The following LARGE1 variants were observed in gnomAD, a reference collection of about 807,000 sequenced individuals.
LARGE1 encodes xylosyl- and glucuronyltransferase LARGE1.
LARGE1 carries 43 observed loss-of-function variants against 87.6 expected under a neutral mutation model. That is an observed-to-expected ratio of 0.49 (90% CI 0.38 to 0.63). The LOEUF is 0.63. Among genes scored for constraint, LARGE1 ranks in the 30% least tolerant of loss-of-function variants. The probability of loss-of-function intolerance (pLI) is 0.00; values close to 1 mark genes in which losing one functional copy is unlikely to be tolerated. For synonymous variants in LARGE1, 434 were observed against 394.6 expected (o/e 1.10, Z -1.18); for missense variants, 802 against 1,000.2 (o/e 0.80, Z 2.67).
At chr22:33,872,576 G>A (rs1270762259) in intron 1 of LARGE1, among the ~76,000 whole-genome samples, 4 of 151,996 alleles carry the variant, frequency 2.6e-5, no homozygotes, top group African/African-American at 9.7e-5. Context: ...TTGAACCTGA[G>A]TTTCTACAGC....
chr22:33,685,130 C>G (rs1329874916), intron 2 of LARGE1, among the ~76,000 whole-genome samples: 6 of 152,172 alleles, frequency 3.9e-5, no homozygotes, highest in Non-Finnish European at 8.8e-5. Context: ...AAGACTGTGA[C>G]TGGGGCAGCT....
intron 2 of LARGE1, among the ~76,000 whole-genome samples, chr22:33,714,644 A>T (rs1358398770): frequency 2.0e-5 from 3 of 152,336 alleles, no homozygotes; most frequent in African/African-American, 4.8e-5. Flanking sequence ...CTCAGGTAAA[A>T]CTGACTGTGG....
At chr22:33,722,603 G>T (rs930057038) in intron 2 of LARGE1, among the ~76,000 whole-genome samples, 1 of 152,090 alleles carries the variant, frequency 6.6e-6, no homozygotes, top group African/African-American at 2.4e-5. Flanking sequence ...CCTTAGAATT[G>T]AATGAACACT....
At chr22:33,173,676 G>A (rs137350) in intron 11 of LARGE1, among the ~76,000 whole-genome samples, 42,949 of 147,650 alleles carry the variant, frequency 0.29, 6,986 homozygotes, top group Non-Finnish European at 0.38. Context: ...AAAAAAAAAA[G>A]CAGGGGTTGC....
intron 6 of LARGE1, among the ~76,000 whole-genome samples, chr22:33,467,300 T>C (rs1041839318): frequency 1.3e-5 from 2 of 152,160 alleles, no homozygotes; most frequent in African/African-American, 4.8e-5. Context: ...AAGGAAATGG[T>C]GTTGGCTGAT....
chr22:33,878,997 T>A (rs972317544), intron 1 of LARGE1, among the ~76,000 whole-genome samples: 2 of 151,540 alleles, frequency 1.3e-5, no homozygotes, highest in Non-Finnish European at 2.9e-5. Context: ...TTTTTTTTTT[T>A]AGATGGAGTT....
exon 12 of LARGE1, chr22:33,163,793 T>C (rs1922123484): frequency 1.3e-5 from 2 of 152,200 alleles, no homozygotes; most frequent in South Asian, 2.1e-4. Context: ...AAATTTACGA[T>C]GCAGATATGA....
At chr22:33,358,634 A>C (rs1406673171) in intron 9 of LARGE1, among the ~76,000 whole-genome samples, 1 of 151,916 alleles carries the variant, frequency 6.6e-6, no homozygotes, top group Non-Finnish European at 1.5e-5. Context: ...TTTTTCTTTT[A>C]GGTGTACTCA....
At chr22:33,886,175 C>G (rs2146795038) in intron 1 of LARGE1, among the ~76,000 whole-genome samples, 2 of 152,302 alleles carry the variant, frequency 1.3e-5, no homozygotes, top group Middle Eastern at 3.4e-3. Context: ...CACAGCAATC[C>G]TGCTCCCTGG....
At chr22:33,150,233 T>G in the LARGE1 span, among the ~76,000 whole-genome samples, 2 of 152,144 alleles carry the variant, frequency 1.3e-5, no homozygotes, top group Admixed American at 1.3e-4. Flanking sequence ...TTAGTTCCTG[T>G]TTTCCCACAC....
At chr22:33,877,783 G>A (rs1434403402) in intron 1 of LARGE1, among the ~76,000 whole-genome samples, 4 of 151,870 alleles carry the variant, frequency 2.6e-5, no homozygotes, top group South Asian at 2.1e-4. Context: ...TTAGCCGGGC[G>A]TGATGGTGCA....
intron 12 of LARGE1, among the ~76,000 whole-genome samples, chr22:33,284,582 G>C (rs1331102924): frequency 1.3e-5 from 2 of 151,726 alleles, no homozygotes; most frequent in Non-Finnish European, 2.9e-5. Flanking sequence ...ATGGCATGAG[G>C]CTTTTTTTTT....
chr22:33,604,618 T>C, intron 4 of LARGE1, 60 bp from the exon 5 acceptor site: 1 of 1,606,900 alleles, frequency 6.2e-7, no homozygotes, highest in South Asian at 1.1e-5. Context: ...GAATTACAGC[T>C]GCAAAAACAC....
intron 2 of LARGE1, among the ~76,000 whole-genome samples, chr22:33,722,627 CAG>C (rs2083142933): frequency 6.6e-6 from 1 of 152,012 alleles, no homozygotes; most frequent in South Asian, 2.1e-4. Flanking sequence ...AAACATCCAA[CAG>C]AGTCACAGCA....
the LARGE1 span, among the ~76,000 whole-genome samples, chr22:33,121,211 G>T: frequency 1.3e-5 from 2 of 152,122 alleles, no homozygotes; most frequent in Non-Finnish European, 2.9e-5. Context: ...ACAGAGCAGT[G>T]GTGGGCACAG....
intron 6 of LARGE1, among the ~76,000 whole-genome samples, chr22:33,450,093 G>A (rs2067850709): frequency 1.3e-5 from 2 of 151,912 alleles, no homozygotes; most frequent in South Asian, 4.2e-4. Flanking sequence ...TGTATTTTTA[G>A]TAGAGACGGA....
the LARGE1 span, among the ~76,000 whole-genome samples, chr22:33,074,323 C>G: frequency 6.6e-6 from 1 of 152,134 alleles, no homozygotes; most frequent in Non-Finnish European, 1.5e-5. Context: ...ATAATCATGA[C>G]CGCAATGTGA....
At chr22:33,393,595 G>C (rs1308002643) in intron 7 of LARGE1, among the ~76,000 whole-genome samples, 4 of 152,270 alleles carry the variant, frequency 2.6e-5, no homozygotes, top group Non-Finnish European at 5.9e-5. Context: ...TTTTGACCCT[G>C]CTTTTCTGCT....
At chr22:33,512,661 G>C (rs1234348459) in intron 6 of LARGE1, among the ~76,000 whole-genome samples, 2 of 152,126 alleles carry the variant, frequency 1.3e-5, no homozygotes, top group African/African-American at 4.8e-5. Context: ...AATTTAGCCG[G>C]GAGTGGTGGC....
Sources: gnomAD v4.1 joint callset for allele counts (sites outside exome capture counted in the v4.1 genomes callset) on GRCh38, gnomAD v4.1.1 for gene constraint, MANE v1.5 for transcripts, NCBI Gene and HGNC (gene_info 2026-07-23, HGNC 2026-07-21) for gene names.